The following DMGDH variants were observed in gnomAD, a reference collection of about 807,000 sequenced individuals.
DMGDH encodes dimethylglycine dehydrogenase, mitochondrial.
A neutral mutation model predicts 95.2 loss-of-function variants in DMGDH; 76 were observed. The observed-to-expected ratio is 0.80, with a 90% confidence interval of 0.66 to 0.97. The LOEUF (loss-of-function observed/expected upper bound fraction) is 0.97. Among genes scored for constraint, DMGDH ranks in the 50% least tolerant of loss-of-function variants. DMGDH has a pLI of 0.00. For synonymous variants in DMGDH, 345 were observed against 377.6 expected, an observed-to-expected ratio of 0.91 and a Z score of 1.00; for missense variants, 987 against 1,055.0, an observed-to-expected ratio of 0.94 and a Z score of 0.89.
intron 4 of DMGDH, 144 bp downstream of exon 4, chr5:79,054,040 T>C: frequency 2.4e-6 from 2 of 842,256 alleles, no homozygotes; most frequent in South Asian, 3.4e-5. Context: ...TCTTGTAAGT[T>C]ACCCAAATTC....
rs1754146855 is a variant in DMGDH, at chr5:79,030,856, G to A, written c.1660C>T (p.Leu554Phe). The A allele has an allele frequency of 6.2e-7, 1 of 1,613,954 alleles. No individual in the cohort carries two copies. Among genetic ancestry groups the A allele is most frequent in the Non-Finnish European group, 8.5e-7 (1 of 1,180,012 alleles). ...GQDSIRLLDH[L>F]FANVIPKVGF... ...ACCTTTGGAATGACATTTGCAAAGA[G>A]ATGGTCCAGTAGTCTAATGGAATCT... Residue 554 changes from leucine to phenylalanine, a missense_variant, in exon 10 of 16, where the codon CTC becomes TTC. Leu to Phe is a conservative substitution (Grantham distance 22, BLOSUM62 0). Coordinates refer to ENST00000255189, the MANE Select transcript of DMGDH (RefSeq NM_013391.3).
At chr5:79,008,115 C>T (rs1753582096) in intron 14 of DMGDH, among the ~76,000 whole-genome samples, 1 of 152,098 alleles carries the variant, frequency 6.6e-6, no homozygotes, top group South Asian at 2.1e-4. Context: ...GTGTAAAAAT[C>T]ACAAAAGTTT....
chr5:79,009,210 T>C (rs1252165069), intron 14 of DMGDH, among the ~76,000 whole-genome samples: 1 of 152,208 alleles, frequency 6.6e-6, no homozygotes, highest in Non-Finnish European at 1.5e-5. Flanking sequence ...CAATTTGATA[T>C]CTGTATTTGT....
Position 79,069,624 on chromosome 5 carries a change from T to C in DMGDH, c.-4A>G. 7.3e-7 allele frequency: 1 copy of C among 1,371,818 alleles called. No homozygotes were observed. The highest frequency in any genetic ancestry group is 9.4e-7 in the Non-Finnish European group (1 of 1,062,098). The allele number at this position is 1,371,818 out of a possible 1,614,324, so 85.0% of individuals were successfully genotyped here. A position where few individuals can be genotyped will look rare whatever the true frequency, so the allele number is the denominator to read the frequency against. Reference sequence around the variant, plus strand: ...GCTGCGCGCCGGGACGGAGCATGACTAGGCCGAGGCCGAGGGCGCAGGCGC... The same window carrying C: ...GCTGCGCGCCGGGACGGAGCATGACCAGGCCGAGGCCGAGGGCGCAGGCGC... On this transcript the variant is annotated 5_prime_UTR_variant, in exon 1 of 16. Transcript: ENST00000255189.
intron 1 of DMGDH, among the ~76,000 whole-genome samples, chr5:79,065,017 T>A (rs543992635): frequency 2.0e-5 from 3 of 152,162 alleles, no homozygotes; most frequent in African/African-American, 4.8e-5. Flanking sequence ...CCCAGAGTGC[T>A]GGGATTACAG....
At chr5:79,021,384 T>C (rs747518916) in intron 14 of DMGDH, 6 of 1,170,594 alleles carry the variant, frequency 5.1e-6, no homozygotes, top group Non-Finnish European at 5.4e-6. Context: ...AGGTGTCTAA[T>C]CAGCGGTACT....
chr5:78,998,736 G>C (rs555736926), intron 15 of DMGDH, among the ~76,000 whole-genome samples: 1 of 152,280 alleles, frequency 6.6e-6, no homozygotes, highest in South Asian at 2.1e-4. Context: ...TATACTCTCA[G>C]CTAATCAGAA....
Position 79,043,359 on chromosome 5 carries a change from G to GT in DMGDH, c.995-879dup, listed in dbSNP as rs1268155659. 7.9e-5 allele frequency among the ~76,000 whole-genome samples: 12 copies of GT among 152,346 alleles called. No homozygotes were observed. In the East Asian group the frequency reaches 2.3e-3, roughly 29 times the overall value. On this transcript the variant is annotated intron_variant, in intron 6 of 15. Coordinates refer to ENST00000255189, the MANE Select transcript of DMGDH (RefSeq NM_013391.3). Reference sequence around the variant, plus strand: ...GGAACAGCAGAGAGGGAGGCTCTCAGTGGCATTTCAACCCTCCCTGTGGGA... The same window carrying GT: ...GGAACAGCAGAGAGGGAGGCTCTCAGTTGGCATTTCAACCCTCCCTGTGGGA...
intron 14 of DMGDH, among the ~76,000 whole-genome samples, chr5:79,010,991 G>T (rs951383076): frequency 6.6e-6 from 1 of 152,044 alleles, no homozygotes. Flanking sequence ...AAGCAATCTG[G>T]GTGGGAATCC....
chr5:79,064,161 T>C (rs1755299704), intron 1 of DMGDH, among the ~76,000 whole-genome samples: 1 of 152,068 alleles, frequency 6.6e-6, no homozygotes, highest in African/African-American at 2.4e-5. Flanking sequence ...AAGACAACCC[T>C]GGGCAACATG....
In DMGDH at chr5:79,063,647, T is replaced by C; in HGVS notation, c.242A>G (p.Lys81Arg). Residue 81 changes from lysine (K) to arginine (R), a missense_variant, in exon 2 of 16, where the codon AAA (lysine) becomes AGA (arginine). Coordinates refer to ENST00000255189, the MANE Select transcript of DMGDH (RefSeq NM_013391.3). ...GGTAGATCCAGCCGTGAGCTCTGAT[T>C]TCTCCAGCAGGACCACATCTTTCAT... Reference protein sequence around the residue: ...AGMKDVVLLEKSELTAGSTWH... With the variant: ...AGMKDVVLLERSELTAGSTWH... 1.2e-6 allele frequency: 2 copies of C among 1,614,156 alleles called. No individual in the cohort carries two copies. Among genetic ancestry groups the C allele is most frequent in the Non-Finnish European group, 1.7e-6 (2 of 1,180,028 alleles).
Position 79,069,530 on chromosome 5 carries a change from C to T in DMGDH, c.91G>A (p.Gly31Ser). The T allele has an allele frequency of 1.5e-6, 2 of 1,306,730 alleles. No individual in the cohort carries two copies. The highest frequency in any genetic ancestry group is 1.9e-6 in the Non-Finnish European group (2 of 1,030,390). The allele number at this position is 1,306,730 out of a possible 1,614,324, so 80.9% of individuals were successfully genotyped here. A position where few individuals can be genotyped will look rare whatever the true frequency, so the allele number is the denominator to read the frequency against. ...CGGGGCCCCACTCACCCTTCCCGGC[C>T]GCAGACAGAGCGCGGGCGCCCGGGG... ...GSPGRPRSVC[G>S]REGEEKPPLS... Residue 31 changes from glycine to serine, a missense_variant, in exon 1 of 16, where the codon GGC (glycine) becomes AGC (serine). Gly to Ser is a moderately conservative substitution (Grantham distance 56). Transcript: ENST00000255189.
chr5:79,015,232 T>C (rs2112606712), intron 14 of DMGDH, among the ~76,000 whole-genome samples: 1 of 152,290 alleles, frequency 6.6e-6, no homozygotes, highest in South Asian at 2.1e-4. Flanking sequence ...ATGCAGTCCC[T>C]CATGTGGTAT....
chr5:79,061,258 CACACACACA>C (rs369189072), intron 2 of DMGDH, among the ~76,000 whole-genome samples: 9,482 of 148,148 alleles, frequency 0.064, 710 homozygotes, highest in African/African-American at 0.18. Flanking sequence ...CACACACACA[CACACACACA>C]AACACCTAAT....
At chr5:79,037,239 A>T (rs2112636853) in intron 7 of DMGDH, among the ~76,000 whole-genome samples, 1 of 152,340 alleles carries the variant, frequency 6.6e-6, no homozygotes, top group African/African-American at 2.4e-5. Context: ...CATGGGTTCT[A>T]GTGACAAATA....
chr5:79,051,842 G>C lies in DMGDH; in HGVS notation c.541-351C>G, dbSNP rs1005322037. Among the ~76,000 whole-genome samples the C allele has an allele frequency of 3.9e-5, 6 of 152,280 alleles. No homozygotes were observed. The South Asian group carries it at 1.2e-3, about 32-fold the overall frequency. ...ATCTGGTGTCAGGAAATTTATGTTT[G>C]ATTCAATCATTCAACAATTAATTCT... On this transcript the variant is annotated intron_variant, in intron 4 of 15. Coordinates refer to ENST00000255189, the MANE Select transcript of DMGDH (RefSeq NM_013391.3).
chr5:79,063,450 T>C (rs1249057401), intron 2 of DMGDH, among the ~76,000 whole-genome samples, 163 bp downstream of exon 2: 1 of 152,204 alleles, frequency 6.6e-6, no homozygotes, highest in Non-Finnish European at 1.5e-5. Flanking sequence ...TAAATATTGG[T>C]TGTCATCTGG....
chr5:79,031,030 C>A, intron 9 of DMGDH, 32 bp from the exon 10 acceptor site: 1 of 1,613,406 alleles, frequency 6.2e-7, no homozygotes, highest in Non-Finnish European at 8.5e-7. Flanking sequence ...CATAAAACAA[C>A]TCCCGTTCAT....
At chr5:79,013,811 AAAC>A (rs1293822242) in intron 14 of DMGDH, among the ~76,000 whole-genome samples, 1 of 152,088 alleles carries the variant, frequency 6.6e-6, no homozygotes, top group East Asian at 1.9e-4. Flanking sequence ...ACATACTTTT[AAAC>A]AACTAGATCT....
Sources: gnomAD v4.1 joint callset for allele counts (sites outside exome capture counted in the v4.1 genomes callset) on GRCh38, gnomAD v4.1.1 for gene constraint, MANE v1.5 for transcripts, NCBI Gene and HGNC (gene_info 2026-07-23, HGNC 2026-07-21) for gene names.